Variants in CTNNA3 observed in about 807,000 individuals in gnomAD.
CTNNA3 encodes the protein catenin alpha-3.
Under a neutral mutation model 95.7 loss-of-function variants are expected in CTNNA3, and 76 were observed. The ratio of observed to expected loss-of-function variants is 0.79; its 90% CI spans 0.66 to 0.96. The LOEUF is 0.96. Ranked by LOEUF, CTNNA3 falls within the 40% of genes least tolerant of loss-of-function variation. The pLI, the probability that CTNNA3 is intolerant of heterozygous loss-of-function variation, is 0.00. For synonymous variants in CTNNA3, 431 were observed against 374.4 expected, an observed-to-expected ratio of 1.15 and a Z score of -1.74; for missense variants, 1,191 against 1,089.8, an observed-to-expected ratio of 1.09 and a Z score of -1.31.
intron 1 of CTNNA3, among the ~76,000 whole-genome samples, chr10:67,740,172 G>C (rs1326431593): frequency 2.0e-5 from 3 of 152,118 alleles, no homozygotes; most frequent in Non-Finnish European, 4.4e-5. Flanking sequence ...ATGGATTAAA[G>C]ACTTAAACAT....
chr10:67,650,717 T>A (rs1839852105), intron 1 of CTNNA3, among the ~76,000 whole-genome samples: 1 of 152,186 alleles, frequency 6.6e-6, no homozygotes, highest in South Asian at 2.1e-4. Context: ...ATGAACTAGC[T>A]CATTGCTTGC....
intron 5 of CTNNA3, among the ~76,000 whole-genome samples, chr10:67,372,876 A>G (rs2132707562): frequency 6.6e-6 from 1 of 152,306 alleles, no homozygotes; most frequent in Middle Eastern, 3.4e-3. Flanking sequence ...CAGCCAAACT[A>G]AGCTTCATAA....
intron 11 of CTNNA3, among the ~76,000 whole-genome samples, chr10:66,482,479 AT>A (rs1335194247): frequency 6.6e-6 from 1 of 152,120 alleles, no homozygotes; most frequent in Non-Finnish European, 1.5e-5. Context: ...GCTTAGGGGA[AT>A]TTCAGTTTAT....
chr10:66,044,527 C>A (rs898070237), intron 15 of CTNNA3, among the ~76,000 whole-genome samples: 1 of 151,466 alleles, frequency 6.6e-6, no homozygotes. Context: ...TGCCTTTTGG[C>A]TCTCTTCTAA....
rs578196322 is a variant in CTNNA3, at chr10:66,802,925, A to G, written c.1048-27401T>C. Among the ~76,000 whole-genome samples, 7 of 152,104 alleles carry G rather than the reference A, an allele frequency of 4.6e-5. No individual in the cohort carries two copies. In the East Asian group the frequency reaches 9.7e-4, roughly 21 times the overall value. ...GGGTAAAACTGATTTATGTTCAAAG[A>G]AATCTGAACCTTGATCATCTGAGGG... On this transcript the variant is annotated intron_variant, in intron 7 of 17. Transcript: ENST00000433211.
chr10:66,244,878 A>C (rs755294808), intron 13 of CTNNA3, among the ~76,000 whole-genome samples: 32 of 152,210 alleles, frequency 2.1e-4, no homozygotes, highest in Non-Finnish European at 3.7e-4. Flanking sequence ...AAACTTCACC[A>C]AACACAGTAA....
At chr10:66,389,414 C>T (rs1420736311) in intron 11 of CTNNA3, among the ~76,000 whole-genome samples, 1 of 152,060 alleles carries the variant, frequency 6.6e-6, no homozygotes, top group African/African-American at 2.4e-5. Flanking sequence ...GTGGAATGTC[C>T]TGGTGTTAGC....
chr10:67,134,567 T>A (rs1447754577), intron 7 of CTNNA3, among the ~76,000 whole-genome samples: 1 of 152,070 alleles, frequency 6.6e-6, no homozygotes, highest in Non-Finnish European at 1.5e-5. Flanking sequence ...CTTGTTACAT[T>A]GACCCTGAAC....
At chr10:66,745,887 C>T (rs1029552428) in intron 9 of CTNNA3, among the ~76,000 whole-genome samples, 1 of 151,952 alleles carries the variant, frequency 6.6e-6, no homozygotes, top group East Asian at 1.9e-4. Flanking sequence ...GCGTGAGCCA[C>T]AGCGCCCGGC....
At chr10:66,526,834 G>A (rs1039262802) in intron 10 of CTNNA3, among the ~76,000 whole-genome samples, 1 of 151,906 alleles carries the variant, frequency 6.6e-6, no homozygotes, top group African/African-American at 2.4e-5. Context: ...ACATATTCTG[G>A]TTATTAATCT....
intron 5 of CTNNA3, among the ~76,000 whole-genome samples, chr10:67,348,824 ATCT>A (rs1395008597): frequency 3.9e-5 from 6 of 152,156 alleles, no homozygotes; most frequent in African/African-American, 1.2e-4. Context: ...ATCACCATAT[ATCT>A]GATAAGGAGA....
chr10:67,269,054 G>C (rs376295604), intron 5 of CTNNA3, among the ~76,000 whole-genome samples: 1 of 152,154 alleles, frequency 6.6e-6, no homozygotes, highest in Non-Finnish European at 1.5e-5. Flanking sequence ...GAGAAGGACA[G>C]TATGGCACAT....
intron 13 of CTNNA3, among the ~76,000 whole-genome samples, chr10:66,200,657 C>T (rs192124470): frequency 1.7e-4 from 26 of 152,276 alleles, no homozygotes; most frequent in Admixed American, 1.3e-3. Flanking sequence ...TAATTTATGA[C>T]CACGGGCAGT....
At chr10:66,125,155 A>T (rs2082761814) in intron 13 of CTNNA3, among the ~76,000 whole-genome samples, 1 of 152,304 alleles carries the variant, frequency 6.6e-6, no homozygotes, top group Middle Eastern at 3.4e-3. Flanking sequence ...TTAGAAACTT[A>T]GATCTAAAAA....
chr10:67,232,610 C>G (rs1865268948), intron 5 of CTNNA3, among the ~76,000 whole-genome samples: 3 of 151,384 alleles, frequency 2.0e-5, no homozygotes, highest in African/African-American at 7.3e-5. Flanking sequence ...AACTAACGAG[C>G]AAAATAACCA....
Position 66,589,460 on chromosome 10 carries a change from T to A in CTNNA3, c.1374+32232A>T, listed in dbSNP as rs1459522935. On this transcript the variant is annotated intron_variant, in intron 10 of 17. Transcript: ENST00000433211. ...AAATAGACATGAGAAAAACCAATAG[T>A]GTTTTCTACATTAACATTTTCTCTT... Among the ~76,000 whole-genome samples, 3 of 152,054 alleles carry A rather than the reference T, an allele frequency of 2.0e-5. No homozygotes were observed. In the East Asian group the frequency reaches 5.8e-4, roughly 29 times the overall value.
chr10:67,738,019 T>C (rs903300880), intron 1 of CTNNA3, among the ~76,000 whole-genome samples: 1 of 152,196 alleles, frequency 6.6e-6, no homozygotes, highest in African/African-American at 2.4e-5. Context: ...GCTATCTTTG[T>C]TGTTTCACAG....
At chr10:66,792,201 T>C (rs922006039) in intron 7 of CTNNA3, among the ~76,000 whole-genome samples, 5 of 152,184 alleles carry the variant, frequency 3.3e-5, no homozygotes, top group African/African-American at 7.2e-5. Flanking sequence ...AATCTACATT[T>C]GGTCCTGTCT....
chr10:66,297,274 A>G (rs538301188), intron 12 of CTNNA3, among the ~76,000 whole-genome samples: 6 of 152,210 alleles, frequency 3.9e-5, no homozygotes, highest in Middle Eastern at 3.4e-3. Context: ...GGATCTACAG[A>G]TTCCACATAA....
Sources: allele counts gnomAD v4.1 joint callset (sites outside exome capture counted in the v4.1 genomes callset), GRCh38; gene constraint gnomAD v4.1.1; transcripts MANE v1.5; gene names NCBI Gene and HGNC (gene_info 2026-07-23, HGNC 2026-07-21).